The following CSAG1 variants were observed in gnomAD, a reference collection of about 807,000 sequenced individuals.
CSAG1 encodes chondrosarcoma associated gene 1, also known as chondrosarcoma-associated gene 1 protein.
Under a neutral mutation model 4.8 loss-of-function variants are expected in CSAG1, and 4 were observed. That is an observed-to-expected ratio of 0.83 (90% CI 0.41 to 1.90). CSAG1 has a LOEUF of 1.90. Among genes scored for constraint, CSAG1 ranks in the 40% most tolerant of loss-of-function variants. The probability of loss-of-function intolerance (pLI) is 0.03; values close to 1 mark genes in which losing one functional copy is unlikely to be tolerated. For missense variants in CSAG1, 69 were observed against 59.5 expected (o/e 1.16, Z -0.53); for synonymous variants, 21 against 23.1 (o/e 0.91, Z 0.26).
rs1556830729 is a variant in CSAG1 at position 152,728,080 on chromosome X, G to C, written c.161C>G (p.Pro54Arg). Residue 54 changes from proline to arginine, a missense_variant, in exon 3 of 4, where the codon CCA (proline) becomes CGA (arginine). Physicochemically the swap from Pro to Arg is moderately radical, Grantham distance 103. Coordinates refer to ENST00000452779, the MANE Select transcript of CSAG1 (RefSeq NM_001102576.3). ...ATGCTTTCCCCTTCCTCGCCTCTTT[G>C]GTGTTGATGGGTGGTTGTTGGAAAA... The part of the protein sequence containing the change: ...SPFSNNHPST[P>R]KRFPRQPRRE... 2.2e-3 allele frequency: 2,620 copies of C among 1,208,796 alleles called. 36 individuals carry two copies. The African/African-American group carries it at 0.04, about 18-fold the overall frequency.
At chrX:152,732,063 G>A (rs1460469653) in intron 2 of CSAG1, among the ~76,000 whole-genome samples, 1 of 112,197 alleles carries the variant, frequency 8.9e-6, no homozygotes, top group Non-Finnish European at 1.9e-5. Flanking sequence ...AACATGTAAT[G>A]TTTAGTGATA....
intron 2 of CSAG1, among the ~76,000 whole-genome samples, chrX:152,728,524 G>A (rs1258221138): frequency 2.7e-5 from 3 of 110,704 alleles, no homozygotes; most frequent in Non-Finnish European, 5.7e-5. Flanking sequence ...AAAATGAACC[G>A]CAATCTTAAA....
Position 152,728,189 on chromosome X carries a change from G to A in CSAG1, c.52C>T (p.Arg18Trp), listed in dbSNP as rs1556830822. The A allele has an allele frequency of 5.4e-5, 65 of 1,209,313 alleles. No homozygotes were observed. Among genetic ancestry groups the A allele is most frequent in the Middle Eastern group, 2.3e-4 (1 of 4,347 alleles). Reference sequence around the variant, plus strand: ...CTACTCCAGTCCACCTGGTCTCCCCGAGCTTCCCCCAGGACAGTGAAGGCA... The same window carrying A: ...CTACTCCAGTCCACCTGGTCTCCCCAAGCTTCCCCCAGGACAGTGAAGGCA... The part of the protein sequence containing the change: ...WPAFTVLGEA[R>W]GDQVDWSRLY... Residue 18 changes from arginine to tryptophan, a missense_variant, in exon 3 of 4, where the codon CGG (arginine) becomes TGG (tryptophan). Coordinates refer to ENST00000452779, the MANE Select transcript of CSAG1 (RefSeq NM_001102576.3).
intron 2 of CSAG1, among the ~76,000 whole-genome samples, chrX:152,729,658 C>A (rs1932112778): frequency 9.0e-6 from 1 of 111,466 alleles, no homozygotes; most frequent in Non-Finnish European, 1.9e-5. Flanking sequence ...GATACCACTA[C>A]ACACCTATTA....
chrX:152,732,778 C>T (rs1222508332), intron 1 of CSAG1, among the ~76,000 whole-genome samples: 4 of 112,108 alleles, frequency 3.6e-5, no homozygotes, highest in African/African-American at 1.3e-4. Flanking sequence ...CCTGAAAACA[C>T]GATGCCAAGA....
chrX:152,730,400 G>T (rs185063811), intron 2 of CSAG1, among the ~76,000 whole-genome samples: 2 of 111,698 alleles, frequency 1.8e-5, no homozygotes, highest in Non-Finnish European at 3.8e-5. Context: ...CAAGGTGATG[G>T]TATTAGGTAG....
chrX:152,727,537 G>C lies in CSAG1; in HGVS notation c.*257C>G. On this transcript the variant is annotated 3_prime_UTR_variant, in exon 4 of 4. Coordinates refer to ENST00000452779, the MANE Select transcript of CSAG1 (RefSeq NM_001102576.3). ...CATCACCATGGGGCATACCCTTTGG[G>C]GTGTAAAACGTACTCTACACCCTGT... The C allele has an allele frequency of 9.2e-6, 4 of 433,662 alleles. No homozygotes were observed. The highest frequency in any genetic ancestry group is 1.7e-5 in the Non-Finnish European group (4 of 242,070). The allele number at this position is 433,662 out of a possible 1,213,427, so 35.7% of individuals were successfully genotyped here. A position where few individuals can be genotyped will look rare whatever the true frequency, so the allele number is the denominator to read the frequency against.
intron 2 of CSAG1, among the ~76,000 whole-genome samples, chrX:152,731,956 G>C (rs1283174317): frequency 8.9e-6 from 1 of 112,424 alleles, no homozygotes; most frequent in African/African-American, 3.2e-5. Flanking sequence ...TCAGGAACGA[G>C]AAGTAGATGT....
At chrX:152,732,550 G>A (rs1436678314) in intron 1 of CSAG1, 46 bp from the exon 2 acceptor site, 5 of 1,191,031 alleles carry the variant, frequency 4.2e-6, no homozygotes, top group Non-Finnish European at 5.7e-6. Context: ...ACCAGTATTA[G>A]CAAGAAAATC....
At chrX:152,732,895 C>A in intron 1 of CSAG1, 2 of 129,441 alleles carry the variant, frequency 1.5e-5, no homozygotes, top group Admixed American at 8.1e-5. Flanking sequence ...AGAGGAATTA[C>A]GTTTAAAAAA....
intron 2 of CSAG1, among the ~76,000 whole-genome samples, chrX:152,730,598 G>A (rs1174878525): frequency 8.9e-6 from 1 of 111,986 alleles, no homozygotes; most frequent in African/African-American, 3.2e-5. Context: ...CCAGCACCTT[G>A]ATCTTGGACT....
intron 2 of CSAG1, among the ~76,000 whole-genome samples, chrX:152,730,038 A>G (rs1311066378): frequency 9.6e-6 from 1 of 103,661 alleles, no homozygotes; most frequent in African/African-American, 3.5e-5. Context: ...ACGCATTAAA[A>G]TATGGTACAC....
At chrX:152,728,312 T>C (rs1556830895) in intron 2 of CSAG1, 88 bp from the exon 3 acceptor site, 4 of 891,714 alleles carry the variant, frequency 4.5e-6, no homozygotes, top group Non-Finnish European at 6.6e-6. Flanking sequence ...TTCAACTAAT[T>C]GGATGAGGCC....
At chrX:152,731,017 A>C (rs782226010) in intron 2 of CSAG1, among the ~76,000 whole-genome samples, 12 of 112,657 alleles carry the variant, frequency 1.1e-4, no homozygotes, top group Non-Finnish European at 1.9e-4. Context: ...TATCAATGCT[A>C]TTGGGTTTTT....
At chrX:152,732,371 A>G in intron 2 of CSAG1, 74 bp downstream of exon 2, 1 of 1,144,084 alleles carries the variant, frequency 8.7e-7, no homozygotes, top group Non-Finnish European at 1.2e-6. Context: ...GGAGTATAAC[A>G]TATTCATTCA....
At chrX:152,727,887 C>A in intron 3 of CSAG1, 24 bp from the exon 4 acceptor site, 2 of 1,202,878 alleles carry the variant, frequency 1.7e-6, no homozygotes, top group African/African-American at 1.7e-5. Context: ...AGGGAGATCA[C>A]AGGAGGGCAC....
chrX:152,728,507 G>A (rs1167605908), intron 2 of CSAG1, among the ~76,000 whole-genome samples: 3 of 111,906 alleles, frequency 2.7e-5, no homozygotes, highest in African/African-American at 9.8e-5. Context: ...GTACAAAAAT[G>A]TGACTCAAAA....
At chrX:152,729,102 A>G (rs1258708140) in intron 2 of CSAG1, among the ~76,000 whole-genome samples, 1 of 110,762 alleles carries the variant, frequency 9.0e-6, no homozygotes, top group African/African-American at 3.3e-5. Context: ...GTGATTCACA[A>G]CAAAGGCAAT....
intron 1 of CSAG1, 148 bp from the exon 2 acceptor site, chrX:152,732,652 G>A: frequency 2.9e-6 from 2 of 678,714 alleles, no homozygotes; most frequent in Non-Finnish European, 4.5e-6. Flanking sequence ...GTTAGAGGGG[G>A]TTAGCGGCAG....
Sources: gnomAD v4.1 joint callset for allele counts (sites outside exome capture counted in the v4.1 genomes callset) on GRCh38, gnomAD v4.1.1 for gene constraint, MANE v1.5 for transcripts, NCBI Gene and HGNC (gene_info 2026-07-23, HGNC 2026-07-21) for gene names.